The following GLP2R variants were observed in gnomAD, a reference collection of about 807,000 sequenced individuals.
GLP2R encodes glucagon-like peptide 2 receptor.
GLP2R carries 59 observed loss-of-function variants against 68.2 expected under a neutral mutation model. The observed-to-expected ratio is 0.87, with a 90% CI of 0.70 to 1.07. GLP2R has a LOEUF of 1.07. Among genes scored for constraint, GLP2R ranks in the 50% least tolerant of loss-of-function variants. The pLI is 0.00. For missense variants in GLP2R, 548 were observed against 677.4 expected (o/e 0.81, Z 2.12); for synonymous variants, 270 against 265.4 (o/e 1.02, Z -0.17).
chr17:9,828,282 A>C (rs553237782), intron 1 of GLP2R, among the ~76,000 whole-genome samples: 1 of 152,208 alleles, frequency 6.6e-6, no homozygotes. Flanking sequence ...AGTGACCAGA[A>C]CATCCTTCAG....
intron 3 of GLP2R, among the ~76,000 whole-genome samples, chr17:9,841,022 T>TTTA (rs2152033273): frequency 6.7e-6 from 1 of 150,006 alleles, no homozygotes; most frequent in South Asian, 2.1e-4. Context: ...TGGCTAATTT[T>TTTA]TTTTTTTTTT....
intron 10 of GLP2R, among the ~76,000 whole-genome samples, chr17:9,874,215 A>T (rs2067123977): frequency 1.3e-5 from 2 of 152,228 alleles, no homozygotes; most frequent in South Asian, 4.1e-4. Context: ...AGGAAAGGGT[A>T]AATCAAGATA....
At chr17:9,870,133 G>A (rs1361313587) in intron 9 of GLP2R, among the ~76,000 whole-genome samples, 1 of 152,180 alleles carries the variant, frequency 6.6e-6, no homozygotes, top group East Asian at 1.9e-4. Context: ...TAAGTGAAGG[G>A]AGGGTTATAA....
At position 9,854,631 on chromosome 17, in the gene GLP2R, G is replaced by A. The variant is rs747748953; in HGVS notation, c.611+30G>A. 2.9e-5 allele frequency: 38 copies of A among 1,294,612 alleles called. No individual in the cohort carries two copies. In the East Asian group the frequency reaches 4.4e-4, roughly 15 times the overall value. 80.2% of individuals were successfully genotyped at this position (1,294,612 alleles called of 1,614,324 possible). ...GTAGAACTTCTGCAGGCATGTGTTC[G>A]GGCAGGTATAGTAGCCCTCCTTCAT... On this transcript the variant is annotated intron_variant, in intron 5 of 12. Transcript: ENST00000262441.
At chr17:9,858,388 G>T (rs1261598346) in intron 6 of GLP2R, among the ~76,000 whole-genome samples, 2 of 152,136 alleles carry the variant, frequency 1.3e-5, no homozygotes, top group Non-Finnish European at 2.9e-5. Context: ...GCTGTCTTTA[G>T]TTCGCTAATA....
intron 12 of GLP2R, 81 bp from the exon 13 acceptor site, chr17:9,889,289 G>C: frequency 1.1e-6 from 1 of 897,620 alleles, no homozygotes; most frequent in Non-Finnish European, 1.7e-6. Flanking sequence ...GCACAGAGTA[G>C]CTACTCAATT....
At position 9,842,686 on chromosome 17, in the gene GLP2R, C is replaced by T. The variant is rs1482225000; in HGVS notation, c.504+70C>T. 9 of 1,547,602 alleles carry T rather than the reference C, an allele frequency of 5.8e-6. No homozygotes were observed. In the East Asian group the frequency reaches 1.3e-4, roughly 23 times the overall value. On this transcript the variant is annotated intron_variant, in intron 4 of 12. Transcript: ENST00000262441. Reference sequence around the variant, plus strand: ...ACCCTCCTTCGGGACACCCCAGTGGCCTGCTGGCTCCAGGGGCCACACAAA... The same window carrying T: ...ACCCTCCTTCGGGACACCCCAGTGGTCTGCTGGCTCCAGGGGCCACACAAA...
intron 11 of GLP2R, among the ~76,000 whole-genome samples, chr17:9,886,847 C>T (rs1412028411): frequency 6.6e-6 from 1 of 152,186 alleles, no homozygotes; most frequent in African/African-American, 2.4e-5. Context: ...CCACTGGGAC[C>T]TTCACTCTTT....
chr17:9,827,816 T>G (rs1169703226), intron 1 of GLP2R, among the ~76,000 whole-genome samples: 1 of 151,890 alleles, frequency 6.6e-6, no homozygotes, highest in African/African-American at 2.4e-5. Flanking sequence ...ACAAAAATTA[T>G]CTGGGCATGG....
At chr17:9,855,291 G>A (rs1363049846) in intron 5 of GLP2R, among the ~76,000 whole-genome samples, 1 of 152,200 alleles carries the variant, frequency 6.6e-6, no homozygotes. Context: ...GGGGAAGAAA[G>A]GGATGGCAAT....
intron 2 of GLP2R, among the ~76,000 whole-genome samples, chr17:9,834,099 G>T (rs2066705526): frequency 6.6e-6 from 1 of 152,180 alleles, no homozygotes; most frequent in Admixed American, 6.5e-5. Flanking sequence ...CTTGGCCGGG[G>T]CTTCCATACA....
At chr17:9,859,877 T>TC in intron 6 of GLP2R, 65 bp from the exon 7 acceptor site, 1 of 558,156 alleles carries the variant, frequency 1.8e-6, no homozygotes, top group Non-Finnish European at 2.7e-6. Context: ...GAGGCCCTTC[T>TC]CCCCCGACTC....
At chr17:9,875,407 C>A (rs1441062924) in intron 10 of GLP2R, among the ~76,000 whole-genome samples, 2 of 152,210 alleles carry the variant, frequency 1.3e-5, no homozygotes, top group Non-Finnish European at 2.9e-5. Flanking sequence ...TTTATCCAAA[C>A]TCTTGTAGGT....
intron 6 of GLP2R, among the ~76,000 whole-genome samples, chr17:9,859,373 A>C (rs1220512956): frequency 6.6e-6 from 1 of 152,118 alleles, no homozygotes; most frequent in Non-Finnish European, 1.5e-5. Context: ...GTTTGTCTAA[A>C]AATGTCTAGA....
intron 9 of GLP2R, among the ~76,000 whole-genome samples, chr17:9,869,969 G>T (rs1298150412): frequency 2.0e-5 from 3 of 152,196 alleles, no homozygotes; most frequent in African/African-American, 7.2e-5. Context: ...ACAATGGAGG[G>T]CTGGATTTTC....
intron 9 of GLP2R, 118 bp from the exon 10 acceptor site, chr17:9,870,629 A>T: frequency 1.4e-6 from 1 of 697,192 alleles, no homozygotes; most frequent in Admixed American, 2.1e-5. Context: ...CTAACTGCTG[A>T]ATTGCCCCTG....
rs1236545170 is a variant in GLP2R at position 9,839,219 on chromosome 17, TG to T, written c.382+2745del. 1.1e-4 allele frequency among the ~76,000 whole-genome samples: 16 copies of T among 152,220 alleles called. No homozygotes were observed. The East Asian group carries it at 1.9e-3, about 18-fold the overall frequency. ...CCAAGGAGGAGAGTGGGGAAACTAC[TG>T]CAGTGTCCCAGAAAACAGCATGCTA... is the stretch of plus-strand genomic sequence containing the variant. On this transcript the variant is annotated intron_variant, in intron 3 of 12. Coordinates refer to ENST00000262441, the MANE Select transcript of GLP2R (RefSeq NM_004246.3).
At chr17:9,846,013 TATA>T (rs1567722612) in intron 4 of GLP2R, among the ~76,000 whole-genome samples, 2 of 152,210 alleles carry the variant, frequency 1.3e-5, no homozygotes, top group Non-Finnish European at 2.9e-5. Flanking sequence ...AAATAATTGT[TATA>T]ATAAGAAAAT....
chr17:9,840,851 C>G (rs2066779762), intron 3 of GLP2R, among the ~76,000 whole-genome samples: 1 of 151,596 alleles, frequency 6.6e-6, no homozygotes, highest in South Asian at 2.1e-4. Context: ...CTGGCCTGTT[C>G]CATGAAGAGA....
Sources: allele counts gnomAD v4.1 joint callset (sites outside exome capture counted in the v4.1 genomes callset), GRCh38; gene constraint gnomAD v4.1.1; transcripts MANE v1.5; gene names NCBI Gene and HGNC (gene_info 2026-07-23, HGNC 2026-07-21).